Variants in DPP10 observed in about 807,000 individuals in gnomAD.
DPP10 encodes the protein dipeptidyl peptidase like 10, also known as inactive dipeptidyl peptidase 10.
Under a neutral mutation model 120.9 loss-of-function variants are expected in DPP10, and 33 were observed. The observed-to-expected ratio is 0.27, with a 90% CI of 0.21 to 0.37. The LOEUF (loss-of-function observed/expected upper bound fraction) is 0.37, where lower values mean the gene tolerates loss of function less well. DPP10 is among the 10% of genes least tolerant of loss of function. The probability of loss-of-function intolerance (pLI) is 1.00; values close to 1 mark genes in which losing one functional copy is unlikely to be tolerated. For missense variants in DPP10, 816 were observed against 942.8 expected, an observed-to-expected ratio of 0.87 and a Z score of 1.76; for synonymous variants, 337 against 326.1, an observed-to-expected ratio of 1.03 and a Z score of -0.36.
chr2:114,452,160 G>A (rs1403074674), intron 1 of DPP10, among the ~76,000 whole-genome samples: 1 of 151,900 alleles, frequency 6.6e-6, no homozygotes, highest in Non-Finnish European at 1.5e-5. Context: ...CATATTTATT[G>A]CTGATTCATT....
chr2:115,406,677 G>A (rs940012712), intron 3 of DPP10, among the ~76,000 whole-genome samples: 1 of 151,516 alleles, frequency 6.6e-6, no homozygotes, highest in Non-Finnish European at 1.5e-5. Context: ...TTTAAACTAA[G>A]GTATATTACT....
intron 1 of DPP10, among the ~76,000 whole-genome samples, chr2:115,269,864 C>T (rs962515337): frequency 6.6e-6 from 1 of 151,944 alleles, no homozygotes; most frequent in Non-Finnish European, 1.5e-5. Context: ...AAGTACTTAC[C>T]CTGCCATTCT....
intron 5 of DPP10, among the ~76,000 whole-genome samples, chr2:115,528,903 G>A (rs530282256): frequency 6.6e-6 from 1 of 151,998 alleles, no homozygotes; most frequent in Non-Finnish European, 1.5e-5. Flanking sequence ...CAACAAGAGG[G>A]ATCTTTGTGG....
chr2:115,582,798 G>A (rs182591440), intron 5 of DPP10, among the ~76,000 whole-genome samples: 2 of 152,094 alleles, frequency 1.3e-5, no homozygotes, highest in Non-Finnish European at 2.9e-5. Flanking sequence ...AATGTCTCGG[G>A]GTTGTTAATG....
intron 1 of DPP10, among the ~76,000 whole-genome samples, chr2:115,167,818 T>G (rs2053012327): frequency 6.6e-6 from 1 of 152,234 alleles, no homozygotes; most frequent in South Asian, 2.1e-4. Flanking sequence ...ATCCTGACTT[T>G]CATTCAATCA....
At chr2:115,715,378 A>G (rs2092461477) in intron 7 of DPP10, among the ~76,000 whole-genome samples, 1 of 151,746 alleles carries the variant, frequency 6.6e-6, no homozygotes. Context: ...GAAAAGAAAA[A>G]GAAAAATCTA....
At chr2:114,770,491 G>T (rs914874173) in intron 1 of DPP10, among the ~76,000 whole-genome samples, 59 of 152,146 alleles carry the variant, frequency 3.9e-4, no homozygotes, top group African/African-American at 1.3e-3. Flanking sequence ...GTAAGAGAGT[G>T]AATGGATCCC....
intron 1 of DPP10, among the ~76,000 whole-genome samples, chr2:115,090,678 G>A (rs1249439830): frequency 6.3e-5 from 4 of 63,892 alleles, no homozygotes; most frequent in African/African-American, 1.2e-4. Flanking sequence ...CCTGAGAGGG[G>A]TTTCTGGACG....
chr2:115,338,176 C>G (rs17771802), intron 2 of DPP10, among the ~76,000 whole-genome samples: 11,804 of 152,070 alleles, frequency 0.078, 517 homozygotes, highest in Middle Eastern at 0.11. Context: ...GTAACTTTGT[C>G]TGTTAACCTA....
intron 21 of DPP10, among the ~76,000 whole-genome samples, chr2:115,821,630 G>A (rs1687824559): frequency 6.6e-6 from 1 of 151,616 alleles, no homozygotes; most frequent in African/African-American, 2.4e-5. Context: ...GCCATTATCT[G>A]TCCTATTATA....
intron 1 of DPP10, among the ~76,000 whole-genome samples, chr2:114,796,225 T>C (rs1683698259): frequency 6.6e-6 from 1 of 152,162 alleles, no homozygotes; most frequent in African/African-American, 2.4e-5. Context: ...CTAGTGATGC[T>C]GGAAGTGCTC....
In DPP10 at chr2:115,402,854, A is replaced by ATAT. The variant is rs1553584380; in HGVS notation, c.271+58942_271+58943insTAT. On this transcript the variant is annotated intron_variant, in intron 3 of 25. Coordinates refer to ENST00000410059, the MANE Select transcript of DPP10 (RefSeq NM_020868.6). ...AGGACACTACAAGGAAAAAAAAAAA[A>ATAT]ATATATATATATATATATATATGTG... 8.7e-3 allele frequency among the ~76,000 whole-genome samples: 850 copies of ATAT among 97,540 alleles called. 13 individuals carry two copies. The highest frequency in any genetic ancestry group is 0.022 in the African/African-American group (560 of 25,374). The allele number at this position is 97,540 out of a possible 152,430, so 64.0% of individuals were successfully genotyped here. A position where few individuals can be genotyped will look rare whatever the true frequency, so the allele number is the denominator to read the frequency against.
intron 1 of DPP10, among the ~76,000 whole-genome samples, chr2:114,879,083 C>A (rs1028545348): frequency 2.0e-4 from 31 of 151,470 alleles, no homozygotes; most frequent in Non-Finnish European, 4.3e-4. Context: ...TTATTTATAT[C>A]CTTTGGATTT....
At chr2:115,261,600 A>T (rs2059252899) in intron 1 of DPP10, among the ~76,000 whole-genome samples, 1 of 152,122 alleles carries the variant, frequency 6.6e-6, no homozygotes. Context: ...GGACAAGGGG[A>T]GGGAATTTAT....
chr2:115,294,613 A>C (rs1306990788), intron 1 of DPP10, among the ~76,000 whole-genome samples: 7 of 152,084 alleles, frequency 4.6e-5, no homozygotes, highest in Non-Finnish European at 1.0e-4. Flanking sequence ...TGAAAACTAG[A>C]ACAAAATGAA....
chr2:115,688,872 A>G (rs1325463147), intron 5 of DPP10, among the ~76,000 whole-genome samples: 1 of 152,186 alleles, frequency 6.6e-6, no homozygotes, highest in African/African-American at 2.4e-5. Context: ...GTCATTTTCA[A>G]CCATTACTAT....
chr2:114,581,870 C>T (rs776432025), intron 1 of DPP10, among the ~76,000 whole-genome samples: 29 of 152,156 alleles, frequency 1.9e-4, no homozygotes, highest in Non-Finnish European at 3.7e-4. Context: ...CATATATCTG[C>T]CACATCCTTT....
chr2:115,181,509 T>C (rs2054077695), intron 1 of DPP10, among the ~76,000 whole-genome samples: 2 of 152,154 alleles, frequency 1.3e-5, no homozygotes, highest in Admixed American at 6.5e-5. Context: ...TCTTTCTTTC[T>C]CCACATGGGT....
At chr2:115,133,622 AG>A (rs1473858469) in intron 1 of DPP10, among the ~76,000 whole-genome samples, 1 of 152,184 alleles carries the variant, frequency 6.6e-6, no homozygotes, top group African/African-American at 2.4e-5. Context: ...TGCTCTGAGA[AG>A]ATGAGTGAGC....
Sources: gnomAD v4.1 joint callset for allele counts (sites outside exome capture counted in the v4.1 genomes callset) on GRCh38, gnomAD v4.1.1 for gene constraint, MANE v1.5 for transcripts, NCBI Gene and HGNC (gene_info 2026-07-23, HGNC 2026-07-21) for gene names.